Variants in ERC1 observed in about 807,000 individuals in gnomAD.
ERC1 encodes the protein ELKS/RAB6-interacting/CAST family member 1.
In ERC1, 56 loss-of-function variants were observed where a neutral mutation model predicts 132.0. The ratio of observed to expected loss-of-function variants is 0.42; its 90% CI spans 0.34 to 0.53. The LOEUF is 0.53. Ranked by LOEUF, ERC1 falls within the 20% of genes least tolerant of loss-of-function variation. The probability of loss-of-function intolerance (pLI) is 0.03; values close to 1 mark genes in which losing one functional copy is unlikely to be tolerated. For synonymous variants in ERC1, 478 were observed against 476.1 expected, an observed-to-expected ratio of 1.00 and a Z score of -0.05; for missense variants, 1,202 against 1,349.9, an observed-to-expected ratio of 0.89 and a Z score of 1.72.
At chr12:1,066,684 A>G (rs1939255212) in intron 2 of ERC1, among the ~76,000 whole-genome samples, 1 of 152,078 alleles carries the variant, frequency 6.6e-6, no homozygotes, top group South Asian at 2.1e-4. Flanking sequence ...TAAAAATAGA[A>G]AAATTATCCG....
chr12:1,403,157 T>C (rs961653850), intron 16 of ERC1, among the ~76,000 whole-genome samples: 18 of 152,224 alleles, frequency 1.2e-4, no homozygotes, highest in African/African-American at 4.1e-4. Context: ...GAGATATACA[T>C]TGATAGCAAA....
At chr12:1,397,004 C>G (rs1028100510) in intron 16 of ERC1, among the ~76,000 whole-genome samples, 3 of 152,148 alleles carry the variant, frequency 2.0e-5, no homozygotes, top group African/African-American at 7.2e-5. Flanking sequence ...TGTACCTTCC[C>G]CAGGTTTAGA....
chr12:1,137,012 A>G (rs980745683), intron 7 of ERC1, among the ~76,000 whole-genome samples: 2 of 151,188 alleles, frequency 1.3e-5, no homozygotes, highest in African/African-American at 2.4e-5. Context: ...ACAGATTATA[A>G]TCTTTGATGT....
chr12:1,255,725 C>T (rs1405449241), intron 13 of ERC1, among the ~76,000 whole-genome samples: 23 of 147,626 alleles, frequency 1.6e-4, no homozygotes, highest in East Asian at 4.0e-4. Context: ...TTCTGCCTCC[C>T]GGGTTCACGC....
chr12:1,276,650 T>C (rs989110440), intron 14 of ERC1, among the ~76,000 whole-genome samples: 2 of 152,126 alleles, frequency 1.3e-5, no homozygotes. Context: ...CTCCATTTTG[T>C]CTCCTAGAAT....
At chr12:1,000,402 C>G (rs1395119056) in intron 1 of ERC1, among the ~76,000 whole-genome samples, 1 of 151,432 alleles carries the variant, frequency 6.6e-6, no homozygotes, top group Non-Finnish European at 1.5e-5. Flanking sequence ...ATGAGAATTC[C>G]TTGAACCCTG....
At chr12:1,186,177 T>C (rs1955070329) in intron 11 of ERC1, among the ~76,000 whole-genome samples, 1 of 152,224 alleles carries the variant, frequency 6.6e-6, no homozygotes, top group Non-Finnish European at 1.5e-5. Flanking sequence ...TTTTCCCCTT[T>C]AATATTTTTT....
intron 12 of ERC1, among the ~76,000 whole-genome samples, chr12:1,228,358 A>ATAAGATTTTT (rs2074760331): frequency 6.6e-6 from 1 of 151,406 alleles, no homozygotes; most frequent in Non-Finnish European, 1.5e-5. Flanking sequence ...AGTTGTATAC[A>ATAAGATTTTT]AAAATATACA....
At chr12:1,155,077 G>A (rs1213319122) in intron 8 of ERC1, among the ~76,000 whole-genome samples, 1 of 152,142 alleles carries the variant, frequency 6.6e-6, no homozygotes, top group East Asian at 1.9e-4. Context: ...CAGCACTTAG[G>A]GAGGCCGAGG....
At chr12:1,280,355 T>C (rs1251948574) in intron 14 of ERC1, among the ~76,000 whole-genome samples, 1 of 152,206 alleles carries the variant, frequency 6.6e-6, no homozygotes, top group African/African-American at 2.4e-5. Flanking sequence ...ATTCAACAGA[T>C]AGTTTTTGTG....
chr12:1,406,140 T>A (rs1216755342), intron 16 of ERC1, among the ~76,000 whole-genome samples: 1 of 152,164 alleles, frequency 6.6e-6, no homozygotes, highest in Non-Finnish European at 1.5e-5. Context: ...CTCACAGCAG[T>A]CTTATGTAGG....
At chr12:1,236,961 C>T in intron 13 of ERC1, 57 bp downstream of exon 13, 1 of 1,589,168 alleles carries the variant, frequency 6.3e-7, no homozygotes, top group Non-Finnish European at 8.6e-7. Flanking sequence ...TCCGTAATCG[C>T]ATGTTGTTTT....
At chr12:1,299,701 C>T (rs1245264268) in intron 15 of ERC1, among the ~76,000 whole-genome samples, 2 of 151,338 alleles carry the variant, frequency 1.3e-5, no homozygotes, top group Non-Finnish European at 2.9e-5. Flanking sequence ...AAATTCATAA[C>T]CGGGTTCTTT....
chr12:1,326,242 A>C (rs1281869939), intron 15 of ERC1, among the ~76,000 whole-genome samples: 1 of 152,160 alleles, frequency 6.6e-6, no homozygotes, highest in East Asian at 1.9e-4. Context: ...TTTTACTCAA[A>C]GACCACTAAT....
At chr12:1,278,958 T>TAA (rs199560288) in intron 14 of ERC1, among the ~76,000 whole-genome samples, 1 of 150,556 alleles carries the variant, frequency 6.6e-6, no homozygotes, top group African/African-American at 2.4e-5. Flanking sequence ...AATATAACAG[T>TAA]AAAAAAAAAG....
intron 1 of ERC1, among the ~76,000 whole-genome samples, chr12:1,001,874 T>TTCC (rs1555191548): frequency 1.4e-5 from 2 of 146,222 alleles, no homozygotes; most frequent in African/African-American, 2.5e-5. Flanking sequence ...TTTTTTTTTT[T>TTCC]TCCTGAGACG....
chr12:1,102,857 A>C (rs1944829480), intron 3 of ERC1, among the ~76,000 whole-genome samples: 1 of 152,222 alleles, frequency 6.6e-6, no homozygotes, highest in Admixed American at 6.5e-5. Flanking sequence ...TAAGGTGTAG[A>C]TTATACTGAA....
intron 16 of ERC1, among the ~76,000 whole-genome samples, chr12:1,393,347 T>C (rs2090138853): frequency 6.6e-6 from 1 of 152,010 alleles, no homozygotes; most frequent in East Asian, 1.9e-4. Flanking sequence ...CTGAGCAACG[T>C]GGGGAAACCT....
At chr12:1,253,277 G>A (rs1032565661) in intron 13 of ERC1, among the ~76,000 whole-genome samples, 1 of 152,096 alleles carries the variant, frequency 6.6e-6, no homozygotes, top group Admixed American at 6.5e-5. Flanking sequence ...ATACTGTAGG[G>A]CCTTGTTAAC....
Sources: gnomAD v4.1 joint callset for allele counts (sites outside exome capture counted in the v4.1 genomes callset) on GRCh38, gnomAD v4.1.1 for gene constraint, MANE v1.5 for transcripts, NCBI Gene and HGNC (gene_info 2026-07-23, HGNC 2026-07-21) for gene names.